The following MGAT4C variants were observed in gnomAD, a reference collection of about 807,000 sequenced individuals.
MGAT4C encodes the protein MGAT4 family member C, also known as alpha-1,3-mannosyl-glycoprotein 4-beta-N-acetylglucosaminyltransferase C.
A neutral mutation model predicts 40.1 loss-of-function variants in MGAT4C; 19 were observed. The observed-to-expected ratio is 0.47, with a 90% CI of 0.33 to 0.70. The LOEUF is 0.70. MGAT4C is among the 30% of genes least tolerant of loss of function. MGAT4C has a pLI of 0.02. For missense variants in MGAT4C, 491 were observed against 563.2 expected, an observed-to-expected ratio of 0.87 and a Z score of 1.30; for synonymous variants, 181 against 187.1, an observed-to-expected ratio of 0.97 and a Z score of 0.27.
intron 1 of MGAT4C, among the ~76,000 whole-genome samples, chr12:86,835,383 G>A (rs1353515115): frequency 6.6e-6 from 1 of 151,892 alleles, no homozygotes; most frequent in Non-Finnish European, 1.5e-5. Context: ...CAAAGCAGAA[G>A]CTGTCTTTTA....
At chr12:86,001,611 C>A (rs1423903385) in intron 2 of MGAT4C, 1 of 982,382 alleles carries the variant, frequency 1.0e-6, no homozygotes, top group African/African-American at 1.7e-5. Context: ...GCTGAGAGAG[C>A]CTGAGTACAC....
At chr12:86,258,083 A>C (rs1297521755), upstream of MGAT4C, among the ~76,000 whole-genome samples, 2 of 152,148 alleles carry the variant, frequency 1.3e-5, no homozygotes, top group Non-Finnish European at 2.9e-5. Context: ...CACATGGAAG[A>C]TTTAAAATTT....
chr12:86,573,382 G>A (rs887643508), intron 2 of MGAT4C, among the ~76,000 whole-genome samples: 1 of 152,124 alleles, frequency 6.6e-6, no homozygotes, highest in East Asian at 1.9e-4. Context: ...TTAAGACAGA[G>A]AAGTAAATGA....
intron 1 of MGAT4C, among the ~76,000 whole-genome samples, chr12:86,730,705 TG>T (rs1950893831): frequency 6.6e-6 from 1 of 152,124 alleles, no homozygotes; most frequent in Admixed American, 6.5e-5. Context: ...AAAATACTGC[TG>T]TGTTTTTGGA....
At chr12:86,820,644 A>T (rs1952689449) in intron 1 of MGAT4C, among the ~76,000 whole-genome samples, 1 of 150,792 alleles carries the variant, frequency 6.6e-6, no homozygotes, top group African/African-American at 2.4e-5. Context: ...TTAACTTTTT[A>T]AAGAATTTAA....
At chr12:86,501,126 T>C (rs1286671493) in intron 2 of MGAT4C, among the ~76,000 whole-genome samples, 1 of 152,028 alleles carries the variant, frequency 6.6e-6, no homozygotes, top group African/African-American at 2.4e-5. Context: ...TTTAATTGTA[T>C]AGCCACATTG....
chr12:86,148,936 G>A (rs899470245), intron 1 of MGAT4C, among the ~76,000 whole-genome samples: 1 of 152,084 alleles, frequency 6.6e-6, no homozygotes, highest in Non-Finnish European at 1.5e-5. Context: ...AAGCACTGCT[G>A]TGCCCCCCTA....
At chr12:86,365,434 G>A (rs969541469) in intron 3 of MGAT4C, among the ~76,000 whole-genome samples, 24 of 152,114 alleles carry the variant, frequency 1.6e-4, no homozygotes, top group Admixed American at 1.2e-3. Context: ...CGAGGATGAC[G>A]GGATTAAGAG....
intron 2 of MGAT4C, among the ~76,000 whole-genome samples, chr12:86,468,850 T>A (rs1162646685): frequency 3.3e-5 from 5 of 152,162 alleles, no homozygotes; most frequent in Non-Finnish European, 5.9e-5. Context: ...TTGAATCTTA[T>A]ATTCCCAATG....
At chr12:86,627,615 G>C (rs1391468642) in intron 2 of MGAT4C, among the ~76,000 whole-genome samples, 4 of 152,182 alleles carry the variant, frequency 2.6e-5, no homozygotes, top group African/African-American at 9.7e-5. Flanking sequence ...CTGGAGTGGA[G>C]CTCCAGCAAA....
chr12:86,463,703 A>C (rs1434552226), intron 2 of MGAT4C, among the ~76,000 whole-genome samples: 1 of 152,140 alleles, frequency 6.6e-6, no homozygotes, highest in East Asian at 1.9e-4. Flanking sequence ...AACACCCATT[A>C]TGTGCAGCAA....
chr12:86,366,808 T>G (rs1955607858), intron 3 of MGAT4C, among the ~76,000 whole-genome samples: 1 of 152,136 alleles, frequency 6.6e-6, no homozygotes, highest in African/African-American at 2.4e-5. Context: ...TGAAAATAAT[T>G]TAATGAAACT....
intron 2 of MGAT4C, among the ~76,000 whole-genome samples, chr12:86,703,437 C>T (rs1445173097): frequency 5.9e-5 from 9 of 152,178 alleles, no homozygotes; most frequent in South Asian, 2.1e-4. Context: ...ATTACCATAG[C>T]CACTCCAGCT....
At chr12:86,712,957 A>G (rs1387760413) in intron 2 of MGAT4C, among the ~76,000 whole-genome samples, 1 of 152,110 alleles carries the variant, frequency 6.6e-6, no homozygotes, top group Non-Finnish European at 1.5e-5. Flanking sequence ...ATGGATAGAA[A>G]TTTTGTTAAA....
chr12:86,596,503 G>A (rs1038893443), intron 2 of MGAT4C, among the ~76,000 whole-genome samples: 5 of 152,182 alleles, frequency 3.3e-5, no homozygotes, highest in African/African-American at 7.2e-5. Flanking sequence ...CCTAAGAGCC[G>A]ATGGCCCAAC....
At chr12:86,511,633 A>C (rs1958588931) in intron 2 of MGAT4C, among the ~76,000 whole-genome samples, 1 of 152,152 alleles carries the variant, frequency 6.6e-6, no homozygotes, top group Admixed American at 6.6e-5. Context: ...ATCGGGGGCT[A>C]AGAATATACA....
chr12:86,431,778 T>C (rs1957043763), intron 3 of MGAT4C, among the ~76,000 whole-genome samples: 2 of 152,186 alleles, frequency 1.3e-5, no homozygotes, highest in Non-Finnish European at 2.9e-5. Context: ...CATGCCACTT[T>C]CTATTGAATA....
intron 2 of MGAT4C, among the ~76,000 whole-genome samples, chr12:85,993,428 T>A (rs1886219438): frequency 6.6e-6 from 1 of 152,132 alleles, no homozygotes; most frequent in Non-Finnish European, 1.5e-5. Flanking sequence ...CACTTTCAGG[T>A]TTGCATACTG....
chr12:86,760,842 TAA>T (rs1475764367), intron 1 of MGAT4C, among the ~76,000 whole-genome samples: 1 of 152,128 alleles, frequency 6.6e-6, no homozygotes, highest in African/African-American at 2.4e-5. Context: ...AGAAGCCAGA[TAA>T]AAAGTGTATG....
Sources: allele counts gnomAD v4.1 joint callset (sites outside exome capture counted in the v4.1 genomes callset), GRCh38; gene constraint gnomAD v4.1.1; transcripts MANE v1.5; gene names NCBI Gene and HGNC (gene_info 2026-07-23, HGNC 2026-07-21).